The following PCNT variants were observed in gnomAD, a reference collection of about 807,000 sequenced individuals.
PCNT encodes the protein pericentrin.
PCNT carries 319 observed loss-of-function variants against 380.4 expected under a neutral mutation model. The observed-to-expected ratio is 0.84, with a 90% CI of 0.77 to 0.92. The LOEUF (loss-of-function observed/expected upper bound fraction) is 0.92, where lower values mean the gene tolerates loss of function less well. Among genes scored for constraint, PCNT ranks in the 40% least tolerant of loss-of-function variants. The pLI is 0.00. For missense variants in PCNT, 4,400 were observed against 4,255.3 expected (o/e 1.03, Z -0.95); for synonymous variants, 1,845 against 1,735.2 (o/e 1.06, Z -1.57).
In PCNT at chr21:46,367,021, T is replaced by G; in HGVS notation, c.3047T>G (p.Leu1016Trp). ...CACCAAACGATTTTGACTCAAGAGTTGGAGAAACTGAAGCGGAAACACGAA... is the reference window on the plus strand; with the variant it reads ...CACCAAACGATTTTGACTCAAGAGTGGGAGAAACTGAAGCGGAAACACGAA... ...SLHQTILTQE[L>W]EKLKRKHEGE... Residue 1016 changes from leucine (L) to tryptophan (W), a missense_variant, in exon 15 of 47, where the codon TTG becomes TGG. By Grantham distance (61) the Leu-to-Trp change is moderately conservative. Coordinates refer to ENST00000359568, the MANE Select transcript of PCNT (RefSeq NM_006031.6). 6.2e-7 allele frequency: 1 copy of G among 1,614,092 alleles called. No individual in the cohort carries two copies. Among genetic ancestry groups the G allele is most frequent in the Non-Finnish European group, 8.5e-7 (1 of 1,180,032 alleles).
rs975786840 is a variant in PCNT at position 46,353,225 on chromosome 21, G to C, written c.1578G>C (p.Lys526Asn). The change falls in exon 10 of 47, where the codon AAG becomes AAC. Residue 526 changes from lysine to asparagine, a missense_variant. Coordinates refer to ENST00000359568, the MANE Select transcript of PCNT (RefSeq NM_006031.6). ...AACTGAGGATTTATTTTGAAAAGAA[G>C]TTAAGGGATGCTGAGAAAACTTACC... ...LEQLRIYFEK[K>N]LRDAEKTYQE... The C allele has an allele frequency of 1.2e-6, 2 of 1,614,156 alleles. No homozygotes were observed. Among genetic ancestry groups the C allele is most frequent in the Non-Finnish European group, 1.7e-6 (2 of 1,180,034 alleles).
chr21:46,331,043 A>ATT (rs2083544013), intron 2 of PCNT, among the ~76,000 whole-genome samples: 1 of 151,746 alleles, frequency 6.6e-6, no homozygotes, highest in Non-Finnish European at 1.5e-5. Context: ...TGTGTGTGAG[A>ATT]GTGTGTGTAT....
chr21:46,430,210 C>T lies in PCNT; in HGVS notation c.7891C>T (p.Gln2631Ter). The part of the protein sequence containing the change: ...EQLSRSLCEV[Q>*]QEVLQLRSML... ...GCTGTCCCGGTCCCTCTGCGAGGTGCAGCAGGAGGTCCTCCAGCTGAGGTG... is the reference window on the plus strand; with the variant it reads ...GCTGTCCCGGTCCCTCTGCGAGGTGTAGCAGGAGGTCCTCCAGCTGAGGTG... The change falls in exon 36 of 47, where the codon CAG (glutamine) becomes TAG (stop). Residue 2631 changes from glutamine (Q) to a stop codon, truncating the protein, a stop_gained. Coordinates refer to ENST00000359568, the MANE Select transcript of PCNT (RefSeq NM_006031.6). LOFTEE classifies it high-confidence loss of function. The T allele has an allele frequency of 1.2e-6, 2 of 1,613,674 alleles. No homozygotes were observed. The highest frequency in any genetic ancestry group is 1.7e-6 in the Non-Finnish European group (2 of 1,179,932).
intron 27 of PCNT, among the ~76,000 whole-genome samples, chr21:46,404,819 A>ACAC (rs1049002312): frequency 1.3e-5 from 2 of 152,028 alleles, no homozygotes; most frequent in African/African-American, 4.8e-5. Flanking sequence ...GCATGGTGAC[A>ACAC]CACCACTCCG....
At chr21:46,419,687 A>G (rs953615127) in intron 31 of PCNT, among the ~76,000 whole-genome samples, 9 of 152,182 alleles carry the variant, frequency 5.9e-5, no homozygotes, top group Non-Finnish European at 1.0e-4. Context: ...CAAGCACAGC[A>G]GGTGCTTCCC....
rs1332975902 is a variant in PCNT at position 46,444,811 on chromosome 21, G to C, written c.9957G>C (p.Gly3319=). The change falls in exon 46 of 47, where the codon GGG becomes GGC. Residue 3319 remains glycine (G), a synonymous_variant. Transcript: ENST00000359568. ...HLEVIQQRLG[G]VLPDSTSKKS... ...AAGTGATCCAGCAAAGATTGGGAGG[G>C]GTACTACCAGGTAATGCAAGTCCTC... 3 of 1,613,250 alleles carry C rather than the reference G, an allele frequency of 1.9e-6. No homozygotes were observed. Among genetic ancestry groups the C allele is most frequent in the Non-Finnish European group, 2.5e-6 (3 of 1,179,230 alleles).
At chr21:46,365,386 TGTTC>T (rs1426366446) in intron 14 of PCNT, among the ~76,000 whole-genome samples, 10 of 144,342 alleles carry the variant, frequency 6.9e-5, no homozygotes, top group African/African-American at 1.0e-4. Context: ...CGTGGGGTTC[TGTTC>T]ACTGCCGTGG....
chr21:46,402,467 A>G lies in PCNT; in HGVS notation c.5099A>G (p.Glu1700Gly), dbSNP rs2086459935. The change falls in exon 27 of 47, where the codon GAG (glutamate) becomes GGG (glycine). Residue 1700 changes from glutamate to glycine, a missense_variant. Glu to Gly is a moderately conservative substitution (Grantham distance 98). Coordinates refer to ENST00000359568, the MANE Select transcript of PCNT (RefSeq NM_006031.6). ...TAVSLRELEE[E>G]NTSLKVIYTR... ...GTCAGCCTCAGAGAACTTGAGGAAG[A>G]GAACACGAGCTTGAAGGTAAGCTAC... 1 of 1,614,018 alleles carries G rather than the reference A, an allele frequency of 6.2e-7. No homozygotes were observed. The highest frequency in any genetic ancestry group is 2.2e-5 in the East Asian group (1 of 44,892).
At chr21:46,442,907 TAGAG>T in intron 44 of PCNT, 1 of 368,938 alleles carries the variant, frequency 2.7e-6, no homozygotes, top group East Asian at 6.4e-5. Context: ...TCTTTCCTTG[TAGAG>T]CATCATGCTT....
chr21:46,416,520 G>A lies in PCNT; in HGVS notation c.6602G>A (p.Arg2201His), dbSNP rs770809215. 24 of 1,613,614 alleles carry A rather than the reference G, an allele frequency of 1.5e-5. No individual in the cohort carries two copies. The highest frequency in any genetic ancestry group is 5.3e-5 in the African/African-American group (4 of 74,908). The change falls in exon 30 of 47, where the codon CGC becomes CAC. Residue 2201 changes from arginine to histidine, a missense_variant. Arg to His is a conservative substitution (Grantham distance 29, BLOSUM62 0). Coordinates refer to ENST00000359568, the MANE Select transcript of PCNT (RefSeq NM_006031.6). ...CCGACCAGCGTACTTGGTGGCTCCC[G>A]CCACCAGAGCCACACTGCAGAGGCT... ...SSPTSVLGGS[R>H]HQSHTAEAGP...
chr21:46,416,816 C>G lies in PCNT; in HGVS notation c.6898C>G (p.His2300Asp), dbSNP rs2087044940. 1 of 1,598,438 alleles carries G rather than the reference C, an allele frequency of 6.3e-7. No individual in the cohort carries two copies. The highest frequency in any genetic ancestry group is 8.5e-7 in the Non-Finnish European group (1 of 1,179,588). The change falls in exon 30 of 47, where the codon CAC (histidine) becomes GAC (aspartate). Residue 2300 changes from histidine (H) to aspartate (D), a missense_variant. Physicochemically the swap from His to Asp is moderately conservative, Grantham distance 81. Transcript: ENST00000359568. ...QWAESPPADDHHVQRTAVEKD... is the reference protein window; with the variant it reads ...QWAESPPADDDHVQRTAVEKD... ...GGCCGAGTCTCCGCCGGCTGACGAC[C>G]ACCATGTGCAGAGGACGGCTGTGGT...
intron 15 of PCNT, among the ~76,000 whole-genome samples, chr21:46,373,495 G>C (rs1468905824): frequency 7.0e-6 from 1 of 142,640 alleles, no homozygotes; most frequent in Non-Finnish European, 1.5e-5. Flanking sequence ...GCAGTGGCGT[G>C]ATCTTGGCTC....
intron 14 of PCNT, among the ~76,000 whole-genome samples, chr21:46,364,944 C>T (rs530020449): frequency 7.2e-5 from 11 of 152,230 alleles, no homozygotes; most frequent in Non-Finnish European, 1.0e-4. Context: ...TCTTGCCATC[C>T]GTCCTGTGTC....
chr21:46,424,099 G>A (rs530567184), intron 32 of PCNT, among the ~76,000 whole-genome samples: 10 of 152,260 alleles, frequency 6.6e-5, no homozygotes, highest in South Asian at 2.1e-4. Context: ...GGCTCCAGGC[G>A]CGTGGGGGAC....
At chr21:46,354,269 C>T (rs189873960) in intron 11 of PCNT, among the ~76,000 whole-genome samples, 9 of 152,144 alleles carry the variant, frequency 5.9e-5, no homozygotes, top group African/African-American at 9.7e-5. Flanking sequence ...AGGGGGTGGC[C>T]GGGGGAGCCG....
intron 1 of PCNT, among the ~76,000 whole-genome samples, chr21:46,324,534 G>A (rs1180555538): frequency 8.9e-6 from 1 of 112,980 alleles, no homozygotes; most frequent in Non-Finnish European, 1.9e-5. Context: ...GCGCCTCTCG[G>A]GCGGGCCGGG....
intron 43 of PCNT, 105 bp downstream of exon 43, chr21:46,441,189 T>C (rs2053598543): frequency 9.2e-6 from 7 of 761,708 alleles, no homozygotes; most frequent in Non-Finnish European, 1.4e-5. Flanking sequence ...CTCCATAATA[T>C]GTTCTTTTTA....
intron 13 of PCNT, among the ~76,000 whole-genome samples, chr21:46,358,633 T>TG (rs1569194665): frequency 1.9e-4 from 29 of 151,192 alleles, no homozygotes. Flanking sequence ...GTTTTGTTTT[T>TG]TTTTTTTTTG....
At chr21:46,326,645 G>C in intron 2 of PCNT, 56 bp downstream of exon 2, 2 of 1,532,900 alleles carry the variant, frequency 1.3e-6, no homozygotes, top group South Asian at 1.1e-5. Flanking sequence ...GTGATTTCTA[G>C]TGTGATTTAC....
Sources: allele counts gnomAD v4.1 joint callset (sites outside exome capture counted in the v4.1 genomes callset), GRCh38; gene constraint gnomAD v4.1.1; transcripts MANE v1.5; gene names NCBI Gene and HGNC (gene_info 2026-07-23, HGNC 2026-07-21).